Variants in PTPRG observed in about 807,000 individuals in gnomAD.
PTPRG encodes the protein receptor-type tyrosine-protein phosphatase gamma.
A neutral mutation model predicts 165.3 loss-of-function variants in PTPRG; 102 were observed. That is an observed-to-expected ratio of 0.62 (90% CI 0.53 to 0.73). The LOEUF is 0.73. Ranked by LOEUF, PTPRG falls within the 30% of genes least tolerant of loss-of-function variation. The pLI, the probability that PTPRG is intolerant of heterozygous loss-of-function variation, is 0.00. For missense variants in PTPRG, 1,866 were observed against 1,861.4 expected (o/e 1.00, Z -0.05); for synonymous variants, 675 against 669.5 (o/e 1.01, Z -0.13).
chr3:61,616,876 G>T (rs563095853), intron 1 of PTPRG, among the ~76,000 whole-genome samples: 10 of 152,316 alleles, frequency 6.6e-5, no homozygotes, highest in Admixed American at 3.3e-4. Flanking sequence ...GTGCTGCTCT[G>T]TTAAACCTAG....
intron 6 of PTPRG, among the ~76,000 whole-genome samples, chr3:62,136,163 C>G (rs1002276553): frequency 1.3e-5 from 2 of 152,154 alleles, no homozygotes; most frequent in African/African-American, 4.8e-5. Flanking sequence ...ACAAACAGTC[C>G]TGGCTCATTC....
chr3:61,836,890 A>G (rs1290075942), intron 2 of PTPRG, among the ~76,000 whole-genome samples: 2 of 149,550 alleles, frequency 1.3e-5, no homozygotes, highest in African/African-American at 4.9e-5. Flanking sequence ...GACTACAGGC[A>G]CACGCCACCA....
intron 2 of PTPRG, among the ~76,000 whole-genome samples, chr3:61,793,092 G>C (rs1003821108): frequency 9.2e-5 from 14 of 152,158 alleles, no homozygotes; most frequent in Non-Finnish European, 1.8e-4. Flanking sequence ...GGTCTCCAAG[G>C]TTCAGTGAAT....
intron 1 of PTPRG, among the ~76,000 whole-genome samples, chr3:61,695,103 C>T (rs771291677): frequency 1.5e-4 from 23 of 152,018 alleles, no homozygotes; most frequent in Non-Finnish European, 2.8e-4. Flanking sequence ...CTCCGCCTCC[C>T]GGGTTCAAGT....
chr3:61,616,388 A>G (rs1462384372), intron 1 of PTPRG, among the ~76,000 whole-genome samples: 1 of 152,202 alleles, frequency 6.6e-6, no homozygotes, highest in African/African-American at 2.4e-5. Flanking sequence ...TATGTCTGTT[A>G]ACATTCACAA....
Position 62,075,473 on chromosome 3 carries a change from T to G in PTPRG, c.520-2690T>G, listed in dbSNP as rs72889526. ...ATGATGTCTAAAGCTGTCCAAACCG[T>G]AAGGCAACACATTTGTAAGAAACTG... On this transcript the variant is annotated intron_variant, in intron 4 of 29. Coordinates refer to ENST00000474889, the MANE Select transcript of PTPRG (RefSeq NM_002841.4). Among the ~76,000 whole-genome samples the G allele has an allele frequency of 7.1e-3, 1,079 of 152,302 alleles. 9 individuals are homozygous for G. Among genetic ancestry groups the G allele is most frequent in the African/African-American group, 0.025 (1,026 of 41,560 alleles).
intron 2 of PTPRG, among the ~76,000 whole-genome samples, chr3:61,763,295 TGG>T (rs2033912978): frequency 6.6e-6 from 1 of 151,960 alleles, no homozygotes; most frequent in South Asian, 2.1e-4. Context: ...TGGAGTGCAG[TGG>T]CATGATCTTG....
At position 62,159,453 on chromosome 3, in the gene PTPRG, T is replaced by C. The variant is rs998428109; in HGVS notation, c.840+2229T>C. The stretch of plus-strand genomic sequence containing the variant: ...ATTAGCTGGAGAGAAATAAGGACCA[T>C]TAACATATGCTGGGTTTCATTATAG... On this transcript the variant is annotated intron_variant, in intron 7 of 29. Transcript: ENST00000474889. Among the ~76,000 whole-genome samples the C allele has an allele frequency of 2.6e-5, 4 of 152,158 alleles. No individual in the cohort carries two copies. The South Asian group carries it at 6.2e-4, about 24-fold the overall frequency.
At chr3:61,951,386 T>G (rs2039896031) in intron 2 of PTPRG, among the ~76,000 whole-genome samples, 1 of 152,364 alleles carries the variant, frequency 6.6e-6, no homozygotes, top group East Asian at 1.9e-4. Flanking sequence ...GCTTGAAATT[T>G]GTGTTTCTTT....
intron 12 of PTPRG, among the ~76,000 whole-genome samples, chr3:62,215,195 G>A (rs1482890855): frequency 1.3e-5 from 2 of 152,178 alleles, no homozygotes; most frequent in Non-Finnish European, 2.9e-5. Flanking sequence ...GAGCTACTTA[G>A]GAAAGTGACA....
chr3:61,860,464 G>A (rs148004703), intron 2 of PTPRG, among the ~76,000 whole-genome samples: 20,379 of 112,212 alleles, frequency 0.18, 1,586 homozygotes, highest in Middle Eastern at 0.29. Flanking sequence ...TTTTTGAGAC[G>A]AAGTCTCGCT....
chr3:61,626,026 G>A (rs56090143), intron 1 of PTPRG, among the ~76,000 whole-genome samples: 3,494 of 148,066 alleles, frequency 0.024, 143 homozygotes, highest in African/African-American at 0.084. Context: ...TTTTTTTTGG[G>A]GGGGCGGGAG....
intron 2 of PTPRG, among the ~76,000 whole-genome samples, chr3:61,901,252 A>G (rs1280973405): frequency 6.6e-6 from 1 of 152,242 alleles, no homozygotes; most frequent in Non-Finnish European, 1.5e-5. Context: ...AGTTTTTCAT[A>G]CAGATAACAC....
At chr3:62,283,744 CT>C (rs1308403267) in intron 28 of PTPRG, among the ~76,000 whole-genome samples, 1 of 152,008 alleles carries the variant, frequency 6.6e-6, no homozygotes, top group Non-Finnish European at 1.5e-5. Context: ...TTTCCTGGCA[CT>C]AATGCTGTAT....
At chr3:61,758,633 A>G (rs1439477739) in intron 2 of PTPRG, among the ~76,000 whole-genome samples, 3 of 152,032 alleles carry the variant, frequency 2.0e-5, no homozygotes, top group African/African-American at 7.2e-5. Flanking sequence ...TGTATATTTT[A>G]GTAGAGACGG....
At chr3:61,632,725 T>C (rs925949308) in intron 1 of PTPRG, among the ~76,000 whole-genome samples, 1 of 152,256 alleles carries the variant, frequency 6.6e-6, no homozygotes, top group African/African-American at 2.4e-5. Context: ...GATGTAAGCA[T>C]GTGTTTAAGT....
intron 2 of PTPRG, among the ~76,000 whole-genome samples, chr3:61,973,702 G>A (rs933688899): frequency 2.0e-5 from 3 of 151,884 alleles, no homozygotes; most frequent in Non-Finnish European, 4.4e-5. Flanking sequence ...CGTGGTGGTG[G>A]GCGCCTATAA....
At chr3:61,880,871 T>C (rs1038085408) in intron 2 of PTPRG, among the ~76,000 whole-genome samples, 2 of 151,904 alleles carry the variant, frequency 1.3e-5, no homozygotes, top group Non-Finnish European at 2.9e-5. Context: ...TCATAGAGTA[T>C]TGGGTCTCTT....
chr3:62,271,457 C>T lies in PTPRG; in HGVS notation c.3084C>T (p.Asp1028=), dbSNP rs777397652. 1.4e-5 allele frequency: 22 copies of T among 1,613,844 alleles called. No homozygotes were observed. In the East Asian group the frequency reaches 4.5e-4, roughly 33 times the overall value. ...AGTATCACTATACACAGTGGCCTGACATGGGAGTTCCCGAGTATGCCCTTC... is the reference window on the plus strand; with the variant it reads ...AGTATCACTATACACAGTGGCCTGATATGGGAGTTCCCGAGTATGCCCTTC... ...VIQYHYTQWP[D]MGVPEYALPV... The change falls in exon 21 of 30, where the codon GAC becomes GAT. Residue 1028 remains aspartate, a synonymous_variant. Coordinates refer to ENST00000474889, the MANE Select transcript of PTPRG (RefSeq NM_002841.4). This position sits in a 1 kb window ranked among gnomAD's most constrained non-coding sequence, Gnocchi z 4.1.
Sources: gnomAD v4.1 joint callset for allele counts (sites outside exome capture counted in the v4.1 genomes callset) on GRCh38, gnomAD v4.1.1 for gene constraint, Gnocchi (gnomAD v3.1) non-coding constraint, MANE v1.5 for transcripts, NCBI Gene and HGNC (gene_info 2026-07-23, HGNC 2026-07-21) for gene names.